The following CLUAP1 variants were observed in gnomAD, a reference collection of about 807,000 sequenced individuals.
The protein encoded by CLUAP1 is clusterin-associated protein 1.
CLUAP1 carries 50 observed loss-of-function variants against 55.0 expected under a neutral mutation model. The ratio of observed to expected loss-of-function variants is 0.91; its 90% CI spans 0.72 to 1.15. The LOEUF is 1.15. Ranked by LOEUF, CLUAP1 falls within the 50% of genes most tolerant of loss-of-function variation. The pLI is 0.00. For missense variants in CLUAP1, 530 were observed against 507.6 expected (o/e 1.04, Z -0.42); for synonymous variants, 195 against 175.4 (o/e 1.11, Z -0.88).
At chr16:3,510,193 C>A (rs1222893105) in intron 4 of CLUAP1, among the ~76,000 whole-genome samples, 1 of 152,166 alleles carries the variant, frequency 6.6e-6, no homozygotes, top group East Asian at 1.9e-4. Context: ...AGGGTTTCTC[C>A]ATGTTGGTCA....
At chr16:3,529,502 A>AT (rs2038023680) in intron 9 of CLUAP1, among the ~76,000 whole-genome samples, 17 of 71,240 alleles carry the variant, frequency 2.4e-4, no homozygotes, top group Non-Finnish European at 4.0e-4. Context: ...ATATTATATT[A>AT]TATATATTAT....
Position 3,529,649 on chromosome 16 carries a change from ATTATTAT to A in CLUAP1, c.929-918_929-912del, listed in dbSNP as rs1567439892. 8.6e-3 allele frequency among the ~76,000 whole-genome samples: 192 copies of A among 22,406 alleles called. 21 individuals carry two copies. The highest frequency in any genetic ancestry group is 0.073 in the African/African-American group (187 of 2,576). 14.7% of individuals were successfully genotyped at this position (22,406 alleles called of 152,430 possible). ...TATTATATATTATTATATATTATAT[ATTATTAT>A]ATATTATATATTATTATATATTATA... On this transcript the variant is annotated intron_variant, in intron 9 of 11. Coordinates refer to ENST00000576634, the MANE Select transcript of CLUAP1 (RefSeq NM_015041.3).
chr16:3,535,933 T>C, intron 11 of CLUAP1, 189 bp from the exon 12 acceptor site: 7 of 625,600 alleles, frequency 1.1e-5, no homozygotes, highest in East Asian at 2.9e-5. Flanking sequence ...TCTGGTTGGA[T>C]GATAAATTCC....
chr16:3,538,983 T>TC lies in CLUAP1; in HGVS notation c.*2714dup, dbSNP rs2038295433. ...ATTTTTACTATATAATTAGAGGACT[T>TC]CCTAAAATGCTTTAAAAAAAAATGT... is the stretch of plus-strand genomic sequence containing the variant. On this transcript the variant is annotated 3_prime_UTR_variant, in exon 12 of 12. Transcript: ENST00000576634. 1.3e-5 allele frequency: 2 copies of TC among 152,120 alleles called. No homozygotes were observed. Among genetic ancestry groups the TC allele is most frequent in the South Asian group, 4.1e-4 (2 of 4,822 alleles). 9.4% of individuals were successfully genotyped at this position (152,120 alleles called of 1,614,324 possible). A position where few individuals can be genotyped will look rare whatever the true frequency, so the allele number is the denominator to read the frequency against.
chr16:3,536,635 T>C lies in CLUAP1; in HGVS notation c.*364T>C, dbSNP rs1486657892. The stretch of plus-strand genomic sequence containing the variant: ...CATTTTCTCTGAGACTCCAGCAGAG[T>C]TGGGGCTGGAACTTGGCACTGGGGA... On this transcript the variant is annotated 3_prime_UTR_variant, in exon 12 of 12. Transcript: ENST00000576634. 3.4e-5 allele frequency: 6 copies of C among 175,962 alleles called. No individual in the cohort carries two copies. The highest frequency in any genetic ancestry group is 6.1e-5 in the Non-Finnish European group (5 of 82,368). The allele number at this position is 175,962 out of a possible 1,614,324, so 10.9% of individuals were successfully genotyped here.
chr16:3,530,788 C>T (rs1176075650), intron 10 of CLUAP1, 113 bp downstream of exon 10: 5 of 707,298 alleles, frequency 7.1e-6, no homozygotes, highest in Non-Finnish European at 1.2e-5. Context: ...CTGCGAATGG[C>T]CCCTAGAAGC....
At chr16:3,495,561 T>G in the CLUAP1 span, 2 of 1,483,240 alleles carry the variant, frequency 1.3e-6, no homozygotes, top group South Asian at 2.7e-5. Context: ...CCAGCCTTCC[T>G]GGACCCCTAG....
chr16:3,533,912 C>T (rs957636883), intron 11 of CLUAP1: 1 of 152,238 alleles, frequency 6.6e-6, no homozygotes, highest in Non-Finnish European at 1.5e-5. Flanking sequence ...CCTGCCTCTT[C>T]TCCAGGGTTT....
chr16:3,516,984 A>G lies in CLUAP1; in HGVS notation c.579+1393A>G, dbSNP rs148940933. ...TAAGCATCAAAATAAATAAGTTAGA[A>G]TAATTAATTTTATGGTATAATAGAA... On this transcript the variant is annotated intron_variant, in intron 6 of 11. Transcript: ENST00000576634. Among the ~76,000 whole-genome samples the G allele has an allele frequency of 5.4e-3, 828 of 152,332 alleles. 9 individuals carry two copies. Among genetic ancestry groups the G allele is most frequent in the African/African-American group, 0.018 (760 of 41,570 alleles).
rs1044264569 is a variant in CLUAP1 at position 3,512,685 on chromosome 16, A to T, written c.495+207A>T. The stretch of plus-strand genomic sequence containing the variant: ...TTTATTTATTTATTTATTTATTTTT[A>T]TTTATTTATTTTTGAGACGGAGTCT... On this transcript the variant is annotated intron_variant, in intron 5 of 11. Transcript: ENST00000576634. 4.0e-5 allele frequency among the ~76,000 whole-genome samples: 6 copies of T among 151,490 alleles called. No homozygotes were observed. In the South Asian group the frequency reaches 1.0e-3, roughly 26 times the overall value.
At position 3,536,990 on chromosome 16, in the gene CLUAP1, C is replaced by G. The variant is rs2038244914; in HGVS notation, c.*719C>G. 1.3e-5 allele frequency: 2 copies of G among 152,198 alleles called. No individual in the cohort carries two copies. Among genetic ancestry groups the G allele is most frequent in the South Asian group, 4.1e-4 (2 of 4,830 alleles). The allele number at this position is 152,198 out of a possible 1,614,324, so 9.4% of individuals were successfully genotyped here. A position where few individuals can be genotyped will look rare whatever the true frequency, so the allele number is the denominator to read the frequency against. ...TTGGATTACAGCCACCTTCATGTTT[C>G]CACGGTTGGTACTAAATCTGGAAAC... On this transcript the variant is annotated 3_prime_UTR_variant, in exon 12 of 12. Coordinates refer to ENST00000576634, the MANE Select transcript of CLUAP1 (RefSeq NM_015041.3).
chr16:3,503,466 T>A (rs576772232), intron 1 of CLUAP1, among the ~76,000 whole-genome samples: 1 of 152,232 alleles, frequency 6.6e-6, no homozygotes, highest in South Asian at 2.1e-4. Flanking sequence ...CCCGGCAACT[T>A]TTGTATTTTT....
chr16:3,508,141 A>C, intron 3 of CLUAP1, 148 bp from the exon 4 acceptor site: 1 of 646,356 alleles, frequency 1.5e-6, no homozygotes, highest in East Asian at 3.0e-5. Context: ...ACAACCACTC[A>C]CAATGTTTGA....
At chr16:3,522,234 G>A (rs2037852248) in intron 7 of CLUAP1, among the ~76,000 whole-genome samples, 1 of 151,978 alleles carries the variant, frequency 6.6e-6, no homozygotes, top group East Asian at 1.9e-4. Flanking sequence ...CGCAATCTCG[G>A]CTCACTGCAA....
chr16:3,512,627 G>A lies in CLUAP1; in HGVS notation c.495+149G>A, dbSNP rs114496556. 807 of 504,284 alleles carry A rather than the reference G, an allele frequency of 1.6e-3. 11 individuals carry two copies. The highest frequency in any genetic ancestry group is 0.014 in the African/African-American group (717 of 51,682). The allele number at this position is 504,284 out of a possible 1,614,324, so 31.2% of individuals were successfully genotyped here. ...GGAAAGGTGATAGAGGATATTAGCT[G>A]TCCTTCCTGCTTCTGGTGGGCACTG... On this transcript the variant is annotated intron_variant, in intron 5 of 11. Coordinates refer to ENST00000576634, the MANE Select transcript of CLUAP1 (RefSeq NM_015041.3).
At chr16:3,511,439 A>G (rs2037622888) in intron 4 of CLUAP1, among the ~76,000 whole-genome samples, 1 of 152,126 alleles carries the variant, frequency 6.6e-6, no homozygotes, top group Non-Finnish European at 1.5e-5. Context: ...CCATCTGTGG[A>G]GCCCAGAACC....
chr16:3,520,094 T>G, intron 7 of CLUAP1, 58 bp downstream of exon 7: 1 of 1,486,682 alleles, frequency 6.7e-7, no homozygotes, highest in South Asian at 1.4e-5. Context: ...TCAAACAAAC[T>G]GGGCGTGGTG....
intron 4 of CLUAP1, 98 bp from the exon 5 acceptor site, chr16:3,512,285 C>T (rs1269809696): frequency 1.4e-5 from 12 of 853,926 alleles, no homozygotes; most frequent in East Asian, 9.9e-5. Context: ...CACTTGAGGC[C>T]AGGAGTTAGA....
chr16:3,496,512 C>T, upstream of CLUAP1: 1 of 593,430 alleles, frequency 1.7e-6, no homozygotes, highest in Non-Finnish European at 3.2e-6. Context: ...GGTGTGTGCG[C>T]TGCCCGTGAC....
Sources: gnomAD v4.1 joint callset for allele counts (sites outside exome capture counted in the v4.1 genomes callset) on GRCh38, gnomAD v4.1.1 for gene constraint, MANE v1.5 for transcripts, NCBI Gene and HGNC (gene_info 2026-07-23, HGNC 2026-07-21) for gene names.